The following STX8 variants were observed in gnomAD, a reference collection of about 807,000 sequenced individuals.
STX8 encodes syntaxin 8.
In STX8, 23 loss-of-function variants were observed where a neutral mutation model predicts 37.5. That is an observed-to-expected ratio of 0.61 (90% CI 0.44 to 0.87). The LOEUF is 0.87. Ranked by LOEUF, STX8 falls within the 40% of genes least tolerant of loss-of-function variation. STX8 has a pLI of 0.00. For missense variants in STX8, 313 were observed against 284.7 expected (o/e 1.10, Z -0.71); for synonymous variants, 115 against 99.1 (o/e 1.16, Z -0.95).
chr17:9,437,450 C>G (rs534600144), intron 6 of STX8, among the ~76,000 whole-genome samples: 1 of 152,092 alleles, frequency 6.6e-6, no homozygotes, highest in Non-Finnish European at 1.5e-5. Context: ...TGGACACAAG[C>G]GAAGAGTAAC....
chr17:9,513,990 T>A (rs772692596), intron 4 of STX8, among the ~76,000 whole-genome samples: 29 of 152,024 alleles, frequency 1.9e-4, no homozygotes, highest in Non-Finnish European at 4.4e-5. Context: ...CTCATAGAAG[T>A]AAAAAGTAGA....
intron 7 of STX8, among the ~76,000 whole-genome samples, chr17:9,311,293 C>G (rs1202107387): frequency 6.6e-6 from 1 of 151,620 alleles, no homozygotes; most frequent in Non-Finnish European, 1.5e-5. Flanking sequence ...ACCCATCCCC[C>G]TGGCTATTCG....
chr17:9,485,504 A>C (rs906532425), intron 6 of STX8, among the ~76,000 whole-genome samples: 1 of 152,226 alleles, frequency 6.6e-6, no homozygotes, highest in Non-Finnish European at 1.5e-5. Flanking sequence ...AAAAACAATA[A>C]GTAAACTAGA....
chr17:9,450,279 T>G (rs1020326953), intron 6 of STX8, among the ~76,000 whole-genome samples: 1 of 151,600 alleles, frequency 6.6e-6, no homozygotes, highest in Non-Finnish European at 1.5e-5. Flanking sequence ...TTTCACCATG[T>G]TGGCCAGGCT....
chr17:9,496,580 T>C (rs1191776256), intron 5 of STX8, among the ~76,000 whole-genome samples: 1 of 152,218 alleles, frequency 6.6e-6, no homozygotes, highest in Non-Finnish European at 1.5e-5. Context: ...ATATCCCCCA[T>C]GTTTAAGATG....
chr17:9,390,075 C>G (rs1912159112), intron 6 of STX8, among the ~76,000 whole-genome samples: 1 of 152,218 alleles, frequency 6.6e-6, no homozygotes, highest in Admixed American at 6.5e-5. Context: ...TTTGGGGACA[C>G]AGGGAAAGCT....
chr17:9,259,680 AG>A lies in STX8; in HGVS notation c.644-9036del, dbSNP rs551085653. On this transcript the variant is annotated intron_variant, in intron 7 of 7. Transcript: ENST00000306357. ...CACAGCCAAGTGGACACCAGGTGAG[AG>A]GAACTGTGAAAGGCCCAGACTTTTT... 2.0e-3 allele frequency among the ~76,000 whole-genome samples: 309 copies of A among 152,286 alleles called. 1 individual carries two copies. The highest frequency in any genetic ancestry group is 7.2e-3 in the African/African-American group (300 of 41,546).
chr17:9,333,147 C>T (rs966404452), intron 7 of STX8, among the ~76,000 whole-genome samples: 14 of 152,148 alleles, frequency 9.2e-5, no homozygotes, highest in African/African-American at 2.7e-4. Context: ...AGATTTGTCA[C>T]ATGGGTATAT....
intron 4 of STX8, among the ~76,000 whole-genome samples, chr17:9,533,584 A>G (rs748446044): frequency 2.0e-5 from 3 of 152,234 alleles, no homozygotes; most frequent in Non-Finnish European, 4.4e-5. Flanking sequence ...TTGAAGACTT[A>G]AAGTAATGAC....
At chr17:9,515,168 T>G (rs12103935) in intron 4 of STX8, among the ~76,000 whole-genome samples, 5,169 of 152,310 alleles carry the variant, frequency 0.034, 327 homozygotes, top group African/African-American at 0.12. Context: ...GCAAACTGTC[T>G]AATGTCGTAC....
chr17:9,298,176 G>C (rs1199820019), intron 7 of STX8, among the ~76,000 whole-genome samples: 2 of 152,174 alleles, frequency 1.3e-5, no homozygotes, highest in Admixed American at 1.3e-4. Flanking sequence ...TTTCTGACGT[G>C]GGAGCATGGA....
chr17:9,297,058 A>T (rs553569944), intron 7 of STX8, among the ~76,000 whole-genome samples: 3 of 152,196 alleles, frequency 2.0e-5, no homozygotes, highest in African/African-American at 7.2e-5. Context: ...CAGGACAGGT[A>T]TGAGGACTTC....
intron 7 of STX8, among the ~76,000 whole-genome samples, chr17:9,331,998 T>C (rs1219613643): frequency 6.6e-6 from 1 of 152,226 alleles, no homozygotes; most frequent in Non-Finnish European, 1.5e-5. Context: ...CGGCTAACAA[T>C]GCGGGCAATG....
intron 5 of STX8, among the ~76,000 whole-genome samples, chr17:9,504,737 G>A (rs1904754063): frequency 6.6e-6 from 1 of 152,078 alleles, no homozygotes; most frequent in Non-Finnish European, 1.5e-5. Flanking sequence ...CACTTTGGGA[G>A]GCCAAGGTGG....
chr17:9,314,392 GTTT>G (rs908429685), intron 7 of STX8, among the ~76,000 whole-genome samples: 2 of 151,790 alleles, frequency 1.3e-5, no homozygotes, highest in African/African-American at 4.8e-5. Flanking sequence ...TTTTATATCT[GTTT>G]TTTTGTTTTG....
intron 7 of STX8, among the ~76,000 whole-genome samples, chr17:9,271,136 C>T (rs1298206334): frequency 1.3e-5 from 2 of 152,228 alleles, no homozygotes; most frequent in Admixed American, 6.5e-5. Context: ...ACCAGGAGCA[C>T]AGATCACTGA....
chr17:9,371,468 A>G (rs1472213758), intron 7 of STX8, among the ~76,000 whole-genome samples: 1 of 152,182 alleles, frequency 6.6e-6, no homozygotes, highest in African/African-American at 2.4e-5. Flanking sequence ...AAAACAGCCA[A>G]TGTGGCTTTG....
At position 9,356,495 on chromosome 17, in the gene STX8, A is replaced by T. The variant is rs544401447; in HGVS notation, c.643+22057T>A. ...ATGACCTGGTGTCTGCCAGCTCCACACCTGCCCTTCTCTGCTCAGTCATGC... is the reference window on the plus strand; with the variant it reads ...ATGACCTGGTGTCTGCCAGCTCCACTCCTGCCCTTCTCTGCTCAGTCATGC... On this transcript the variant is annotated intron_variant, in intron 7 of 7. Transcript: ENST00000306357. Among the ~76,000 whole-genome samples the T allele has an allele frequency of 3.3e-5, 5 of 152,266 alleles. No individual in the cohort carries two copies. In the East Asian group the frequency reaches 9.6e-4, roughly 29 times the overall value.
intron 7 of STX8, among the ~76,000 whole-genome samples, chr17:9,339,825 G>C (rs1549332): frequency 6.6e-6 from 1 of 152,096 alleles, no homozygotes; most frequent in Non-Finnish European, 1.5e-5. Flanking sequence ...CGTAAGGACC[G>C]AAAGAGACAT....
Sources: allele counts gnomAD v4.1 joint callset (sites outside exome capture counted in the v4.1 genomes callset), GRCh38; gene constraint gnomAD v4.1.1; transcripts MANE v1.5; gene names NCBI Gene and HGNC (gene_info 2026-07-23, HGNC 2026-07-21).